The following CIMIP2A variants were observed in gnomAD, a reference collection of about 807,000 sequenced individuals.
CIMIP2A encodes family with sequence similarity 166 member A.
At chr9:137,250,396 C>T in the CIMIP2A span, 1 of 152,318 alleles carries the variant, frequency 6.6e-6, no homozygotes, top group Non-Finnish European at 1.5e-5. Flanking sequence ...CAGGCGTGAA[C>T]CCCTCGCCCA....
chr9:137,245,571 G>A, the CIMIP2A span: 1 of 1,613,698 alleles, frequency 6.2e-7, no homozygotes, highest in Non-Finnish European at 8.5e-7. Flanking sequence ...TACCAACAGG[G>A]CAGCCTGTGA....
the CIMIP2A span, chr9:137,252,908 C>A: frequency 6.3e-7 from 1 of 1,598,468 alleles, no homozygotes; most frequent in South Asian, 1.1e-5. Context: ...GCAGAGCCCC[C>A]GCTCGCCGGC....
At chr9:137,249,622 C>T in the CIMIP2A span, among the ~76,000 whole-genome samples, 1 of 152,178 alleles carries the variant, frequency 6.6e-6, no homozygotes, top group African/African-American at 2.4e-5. Flanking sequence ...GGAGAGGTCC[C>T]ACCTAAGCCC....
the CIMIP2A span, chr9:137,244,756 C>T: frequency 2.2e-5 from 36 of 1,609,016 alleles, no homozygotes; most frequent in Middle Eastern, 1.7e-4. Flanking sequence ...GGCAGATGTA[C>T]GGGCTACCCC....
the CIMIP2A span, among the ~76,000 whole-genome samples, chr9:137,246,445 GGAGT>G: frequency 6.6e-6 from 1 of 152,218 alleles, no homozygotes; most frequent in Admixed American, 6.5e-5. Context: ...GATCTTTCAA[GGAGT>G]GAGAACTACC....
At chr9:137,244,348 T>G in the CIMIP2A span, 8 of 1,608,768 alleles carry the variant, frequency 5.0e-6, no homozygotes, top group South Asian at 8.8e-5. Context: ...GATAGTCAAG[T>G]TGTCCCAGTG....
the CIMIP2A span, among the ~76,000 whole-genome samples, chr9:137,254,492 C>T: frequency 6.6e-6 from 1 of 152,370 alleles, no homozygotes; most frequent in African/African-American, 2.4e-5. Context: ...CGATCTCCTC[C>T]AGCTGGGCTG....
chr9:137,249,277 G>C, the CIMIP2A span, among the ~76,000 whole-genome samples: 5 of 151,064 alleles, frequency 3.3e-5, no homozygotes, highest in African/African-American at 1.2e-4. Flanking sequence ...CTGCCGGCAG[G>C]GTCACAGTGA....
At chr9:137,245,105 T>C in the CIMIP2A span, 7 of 1,606,692 alleles carry the variant, frequency 4.4e-6, no homozygotes, top group African/African-American at 5.4e-5. Context: ...TGGCCTTGCG[T>C]TGGATTAGGT....
the CIMIP2A span, chr9:137,244,526 C>T: frequency 6.6e-7 from 1 of 1,521,184 alleles, no homozygotes; most frequent in Non-Finnish European, 8.9e-7. Context: ...AGGCAGAGCC[C>T]CCTCCTCAGG....
the CIMIP2A span, among the ~76,000 whole-genome samples, chr9:137,249,292 G>A: frequency 6.6e-6 from 1 of 152,176 alleles, no homozygotes; most frequent in Non-Finnish European, 1.5e-5. Context: ...CAGTGAGAAG[G>A]GCCTCTAATT....
the CIMIP2A span, among the ~76,000 whole-genome samples, chr9:137,249,145 T>C: frequency 1.3e-5 from 2 of 152,092 alleles, no homozygotes; most frequent in Non-Finnish European, 2.9e-5. Flanking sequence ...CGTGAGCCAC[T>C]GTGCCCGGCC....
At chr9:137,253,175 C>A in the CIMIP2A span, 1 of 1,605,162 alleles carries the variant, frequency 6.2e-7, no homozygotes, top group Non-Finnish European at 8.5e-7. Context: ...TTCCCTTCGG[C>A]GCCTGGCGTG....
the CIMIP2A span, chr9:137,252,600 G>A: frequency 6.6e-6 from 10 of 1,513,230 alleles, no homozygotes; most frequent in African/African-American, 1.4e-4. Flanking sequence ...GGCCAAAGGG[G>A]GGCTGGCTGA....
At chr9:137,247,212 G>A in the CIMIP2A span, among the ~76,000 whole-genome samples, 155 of 152,348 alleles carry the variant, frequency 1.0e-3, no homozygotes, top group Non-Finnish European at 1.9e-3. Flanking sequence ...TTGAACCTGG[G>A]AGGCAGAGGT....
the CIMIP2A span, among the ~76,000 whole-genome samples, chr9:137,247,177 C>T: frequency 6.6e-6 from 1 of 152,114 alleles, no homozygotes; most frequent in Non-Finnish European, 1.5e-5. Flanking sequence ...CCCAGCTACT[C>T]CGGAAGCTGA....
At chr9:137,243,657 C>T in the CIMIP2A span, 12 of 1,614,004 alleles carry the variant, frequency 7.4e-6, no homozygotes, top group Admixed American at 5.0e-5. Context: ...GCTGTTTTCC[C>T]TGTCCACATC....
the CIMIP2A span, among the ~76,000 whole-genome samples, chr9:137,246,632 C>T: frequency 1.3e-3 from 201 of 152,234 alleles, 2 homozygotes; most frequent in African/African-American, 4.6e-3. Context: ...GCATTGGTGG[C>T]GGGCCCTGTA....
chr9:137,246,921 G>A, the CIMIP2A span, among the ~76,000 whole-genome samples: 3 of 152,092 alleles, frequency 2.0e-5, no homozygotes, highest in South Asian at 2.1e-4. Flanking sequence ...TCCGTAGAGG[G>A]GTTACTTTTA....
Sources: gnomAD v4.1 joint callset for allele counts (sites outside exome capture counted in the v4.1 genomes callset) on GRCh38, gnomAD v4.1.1 for gene constraint, MANE v1.5 for transcripts, NCBI Gene and HGNC (gene_info 2026-07-23, HGNC 2026-07-21) for gene names.